Variants in PPP2R2B observed in about 807,000 individuals in gnomAD.
The protein encoded by PPP2R2B is serine/threonine-protein phosphatase 2A 55 kDa regulatory subunit B beta isoform.
PPP2R2B carries 5 observed loss-of-function variants against 46.0 expected under a neutral mutation model. The ratio of observed to expected loss-of-function variants is 0.11; its 90% CI spans 0.06 to 0.23. The LOEUF (loss-of-function observed/expected upper bound fraction) is 0.23, where lower values mean the gene tolerates loss of function less well. PPP2R2B is among the 10% of genes least tolerant of loss of function. The pLI, the probability that PPP2R2B is intolerant of heterozygous loss-of-function variation, is 1.00. For synonymous variants in PPP2R2B, 215 were observed against 206.7 expected (o/e 1.04, Z -0.34); for missense variants, 367 against 575.0 (o/e 0.64, Z 3.70).
At chr5:146,908,771 T>TTCCCTCCCTCCCTTCCTCCCTTCC (rs1164065334) in intron 1 of PPP2R2B, among the ~76,000 whole-genome samples, 1 of 148,926 alleles carries the variant, frequency 6.7e-6, no homozygotes, top group African/African-American at 2.6e-5. Flanking sequence ...CTTTCTTCCT[T>TTCCCTCCCTCCCTTCCTCCCTTCC]TCCCGCCCTC....
upstream of PPP2R2B, among the ~76,000 whole-genome samples, chr5:146,882,621 AT>A (rs749081599): frequency 3.3e-5 from 5 of 152,210 alleles, no homozygotes; most frequent in Non-Finnish European, 7.3e-5. Flanking sequence ...TACTATGAGT[AT>A]TTACTTTCGT....
At chr5:146,696,701 G>A (rs1488027016) in intron 4 of PPP2R2B, among the ~76,000 whole-genome samples, 2 of 152,158 alleles carry the variant, frequency 1.3e-5, no homozygotes, top group Non-Finnish European at 2.9e-5. Context: ...CAAACTACTT[G>A]GAGTCTGGAA....
intron 2 of PPP2R2B, among the ~76,000 whole-genome samples, chr5:147,065,649 G>T (rs1367067790): frequency 6.6e-6 from 1 of 152,072 alleles, no homozygotes; most frequent in Admixed American, 6.6e-5. Context: ...TTGGAGCGAG[G>T]TTGAGGGATT....
intron 2 of PPP2R2B, among the ~76,000 whole-genome samples, chr5:146,747,005 T>A (rs1487764126): frequency 6.6e-6 from 1 of 152,190 alleles, no homozygotes; most frequent in Non-Finnish European, 1.5e-5. Flanking sequence ...GGAAGCATTA[T>A]TCAAGGGCTA....
intron 1 of PPP2R2B, among the ~76,000 whole-genome samples, chr5:146,995,235 A>G (rs1242345168): frequency 6.6e-6 from 1 of 152,214 alleles, no homozygotes; most frequent in Non-Finnish European, 1.5e-5. Flanking sequence ...CATAGTAATC[A>G]GTATTCATAT....
exon 1 of PPP2R2B, chr5:147,055,832 C>G: frequency 6.6e-7 from 1 of 1,525,796 alleles, no homozygotes; most frequent in Non-Finnish European, 8.8e-7. Flanking sequence ...GCTACATCAC[C>G]AATATGTTTA....
In PPP2R2B at chr5:146,785,252, A is replaced by T. The variant is rs542741065; in HGVS notation, c.71-84110T>A. ...TCTCATCTGACACAGTGGGAAGTCA[A>T]GATAAAATAGCTGGCCAGGCACCGT... On this transcript the variant is annotated intron_variant, in intron 2 of 9. Coordinates refer to ENST00000394411, the MANE Select transcript of PPP2R2B (RefSeq NM_181675.4). Among the ~76,000 whole-genome samples the T allele has an allele frequency of 2.6e-5, 4 of 152,306 alleles. No homozygotes were observed. In the South Asian group the frequency reaches 8.3e-4, roughly 32 times the overall value.
chr5:146,712,288 A>C (rs1317124928), intron 2 of PPP2R2B, among the ~76,000 whole-genome samples: 1 of 152,104 alleles, frequency 6.6e-6, no homozygotes, highest in Non-Finnish European at 1.5e-5. Flanking sequence ...GAGTTGTGGT[A>C]TTTTGAAGAA....
intron 2 of PPP2R2B, among the ~76,000 whole-genome samples, chr5:146,813,473 G>A (rs1215504629): frequency 6.6e-6 from 1 of 152,110 alleles, no homozygotes; most frequent in African/African-American, 2.4e-5. Flanking sequence ...GAAGTCAAGT[G>A]GAAGCAACGC....
chr5:147,068,581 A>C (rs1196256967), intron 2 of PPP2R2B, among the ~76,000 whole-genome samples: 1 of 152,242 alleles, frequency 6.6e-6, no homozygotes, highest in Admixed American at 6.5e-5. Context: ...GCTATTAAAT[A>C]GCAATATTTT....
At chr5:146,730,049 T>A (rs1273803606) in intron 2 of PPP2R2B, among the ~76,000 whole-genome samples, 1 of 152,114 alleles carries the variant, frequency 6.6e-6, no homozygotes, top group African/African-American at 2.4e-5. Flanking sequence ...TGCCAACCCA[T>A]GAAAGCAGCC....
intron 1 of PPP2R2B, among the ~76,000 whole-genome samples, chr5:146,930,564 C>A (rs886351360): frequency 6.6e-6 from 1 of 152,050 alleles, no homozygotes; most frequent in East Asian, 1.9e-4. Context: ...AATTGACTAG[C>A]CTGTTTTGAA....
chr5:146,807,776 C>CTTTTTT (rs10583721), intron 2 of PPP2R2B, among the ~76,000 whole-genome samples: 1,329 of 36,920 alleles, frequency 0.036, 436 homozygotes, highest in Non-Finnish European at 0.055. Context: ...GGGGTGCCTT[C>CTTTTTT]TTTTTTTTTT....
chr5:146,639,082 G>A lies in PPP2R2B; in HGVS notation c.626-667C>T, dbSNP rs375992134. 5.3e-5 allele frequency among the ~76,000 whole-genome samples: 8 copies of A among 152,310 alleles called. No individual in the cohort carries two copies. In the East Asian group the frequency reaches 1.5e-3, roughly 29 times the overall value. ...AGGGGTGGAAACGGATGCTCCATGT[G>A]CATAAAGAAACTTGCTTCAAGTCAC... On this transcript the variant is annotated intron_variant, in intron 6 of 9. Coordinates refer to ENST00000394411, the MANE Select transcript of PPP2R2B (RefSeq NM_181675.4).
At chr5:147,027,056 TA>T (rs1343090170) in intron 1 of PPP2R2B, among the ~76,000 whole-genome samples, 6 of 152,062 alleles carry the variant, frequency 3.9e-5, no homozygotes, top group Admixed American at 1.3e-4. Flanking sequence ...AGTAAAAGAA[TA>T]AAAAAATTTT....
intron 2 of PPP2R2B, among the ~76,000 whole-genome samples, chr5:146,820,112 G>A (rs924001960): frequency 6.6e-6 from 1 of 152,100 alleles, no homozygotes; most frequent in East Asian, 1.9e-4. Flanking sequence ...TAGATGGGAG[G>A]AATAAGTTCT....
At chr5:146,866,215 A>T (rs755393583) in intron 2 of PPP2R2B, among the ~76,000 whole-genome samples, 9 of 152,258 alleles carry the variant, frequency 5.9e-5, no homozygotes, top group Non-Finnish European at 1.0e-4. Flanking sequence ...CAAAATGGAG[A>T]TAATACCAAA....
chr5:147,026,377 C>A (rs1048871558), intron 1 of PPP2R2B, among the ~76,000 whole-genome samples: 1 of 152,018 alleles, frequency 6.6e-6, no homozygotes, highest in African/African-American at 2.4e-5. Flanking sequence ...AATACATACT[C>A]TATGAGTTTA....
rs191200892 is a variant in PPP2R2B at position 147,071,406 on chromosome 5, C to T, written c.50+9653G>A. Among the ~76,000 whole-genome samples, 1,156 of 152,330 alleles carry T rather than the reference C, an allele frequency of 7.6e-3. 8 individuals are homozygous for T. The highest frequency in any genetic ancestry group is 0.013 in the Non-Finnish European group (867 of 68,034). The stretch of plus-strand genomic sequence containing the variant: ...TTTTTCAACTAGTGGCTCTCTATTT[C>T]ATTCAGGCAGGAGTCCAGCTATTTA... On this transcript the variant is annotated intron_variant, in intron 2 of 10. Coordinates refer to the PPP2R2B transcript ENST00000394413.
Sources: allele counts gnomAD v4.1 joint callset (sites outside exome capture counted in the v4.1 genomes callset), GRCh38; gene constraint gnomAD v4.1.1; transcripts MANE v1.5; gene names NCBI Gene and HGNC (gene_info 2026-07-23, HGNC 2026-07-21).